The following ZDHHC13 variants were observed in gnomAD, a reference collection of about 807,000 sequenced individuals.
ZDHHC13 encodes zDHHC palmitoyltransferase 13.
In ZDHHC13, 85 loss-of-function variants were observed where a neutral mutation model predicts 86.0. That is an observed-to-expected ratio of 0.99 (90% CI 0.83 to 1.18). The LOEUF (loss-of-function observed/expected upper bound fraction) is 1.18, where lower values mean the gene tolerates loss of function less well. Among genes scored for constraint, ZDHHC13 ranks in the 50% most tolerant of loss-of-function variants. The pLI, the probability that ZDHHC13 is intolerant of heterozygous loss-of-function variation, is 0.00. For synonymous variants in ZDHHC13, 263 were observed against 246.4 expected, an observed-to-expected ratio of 1.07 and a Z score of -0.63; for missense variants, 711 against 730.2, an observed-to-expected ratio of 0.97 and a Z score of 0.30.
intron 4 of ZDHHC13, 107 bp downstream of exon 4, chr11:19,147,780 C>CCCT (rs1849507003): frequency 2.7e-6 from 2 of 753,880 alleles, no homozygotes; most frequent in South Asian, 3.1e-5. Context: ...CTTCCCCCCC[C>CCCT]CCCTTTATTT....
chr11:19,172,736 G>T lies in ZDHHC13; in HGVS notation c.1646G>T (p.Gly549Val). Residue 549 changes from glycine to valine, a missense_variant, in exon 16 of 17, where the codon GGC (glycine) becomes GTC (valine). By Grantham distance (109) the Gly-to-Val change is moderately radical. Transcript: ENST00000446113. ...CTTCTTTTTCAGATTGCCTTTCTGG[G>T]CCTGACCTCCCATGAGAGAATCAGC... is the stretch of plus-strand genomic sequence containing the variant. Reference protein sequence around the residue: ...LNQLFQIAFLGLTSHERISLQ... With the variant: ...LNQLFQIAFLVLTSHERISLQ... 1 of 1,599,884 alleles carries T rather than the reference G, an allele frequency of 6.3e-7. No homozygotes were observed. The highest frequency in any genetic ancestry group is 8.5e-7 in the Non-Finnish European group (1 of 1,173,264).
chr11:19,121,010 T>A (rs1436587996), intron 1 of ZDHHC13, among the ~76,000 whole-genome samples: 2 of 152,202 alleles, frequency 1.3e-5, no homozygotes, highest in African/African-American at 2.4e-5. Flanking sequence ...AAAAGTTAGT[T>A]TACATGTGCA....
intron 1 of ZDHHC13, among the ~76,000 whole-genome samples, chr11:19,119,132 G>C (rs1286283784): frequency 6.6e-6 from 1 of 151,578 alleles, no homozygotes; most frequent in Non-Finnish European, 1.5e-5. Context: ...TCTTTTTTCA[G>C]ACAGAGTCTT....
intron 5 of ZDHHC13, 136 bp downstream of exon 5, chr11:19,149,467 GT>G: frequency 1.1e-6 from 1 of 941,654 alleles, no homozygotes; most frequent in Non-Finnish European, 1.5e-6. Context: ...GCCTCAGTAC[GT>G]TTAGCCATTG....
intron 1 of ZDHHC13, among the ~76,000 whole-genome samples, chr11:19,137,358 A>G (rs1227133607): frequency 6.6e-6 from 1 of 152,184 alleles, no homozygotes; most frequent in Non-Finnish European, 1.5e-5. Context: ...ATTCAACAAG[A>G]AGAGCTAACT....
intron 1 of ZDHHC13, among the ~76,000 whole-genome samples, chr11:19,126,502 ATTTTTTTTTTTT>A (rs754405966): frequency 3.2e-5 from 3 of 95,150 alleles, no homozygotes; most frequent in Non-Finnish European, 5.9e-5. Context: ...ACCCTGGCTA[ATTTTTTTTTTTT>A]TTTTTTTTTT....
intron 1 of ZDHHC13, among the ~76,000 whole-genome samples, chr11:19,133,930 T>TAC (rs2133378384): frequency 1.1e-5 from 1 of 95,142 alleles, no homozygotes; most frequent in East Asian, 2.8e-4. Flanking sequence ...CATATATATA[T>TAC]ATATATATAT....
chr11:19,159,790 C>T (rs1280839513), intron 10 of ZDHHC13, among the ~76,000 whole-genome samples: 1 of 151,942 alleles, frequency 6.6e-6, no homozygotes, highest in Non-Finnish European at 1.5e-5. Context: ...CAAGTCCTGT[C>T]ACCTAGAAAT....
At chr11:19,155,110 T>C (rs115100147) in intron 8 of ZDHHC13, among the ~76,000 whole-genome samples, 179 of 152,304 alleles carry the variant, frequency 1.2e-3, no homozygotes, top group African/African-American at 4.1e-3. Context: ...TTGGAGCTCT[T>C]ATAGTTCCCT....
At chr11:19,163,710 A>G (rs1000540321) in intron 11 of ZDHHC13, among the ~76,000 whole-genome samples, 6 of 152,070 alleles carry the variant, frequency 3.9e-5, no homozygotes, top group African/African-American at 1.4e-4. Flanking sequence ...CATTTTCATA[A>G]TGGTCATTTA....
chr11:19,172,743 C>G lies in ZDHHC13; in HGVS notation c.1653C>G (p.Thr551=). ...TTCAGATTGCCTTTCTGGGCCTGAC[C>G]TCCCATGAGAGAATCAGCCTGCAGA... The part of the protein sequence containing the change: ...QLFQIAFLGL[T]SHERISLQKQ... Residue 551 remains threonine (T), a synonymous_variant, in exon 16 of 17, where the codon ACC becomes ACG. Coordinates refer to ENST00000446113, the MANE Select transcript of ZDHHC13 (RefSeq NM_019028.3). 1 of 1,603,012 alleles carries G rather than the reference C, an allele frequency of 6.2e-7. No homozygotes were observed. The highest frequency in any genetic ancestry group is 8.5e-7 in the Non-Finnish European group (1 of 1,174,780).
At chr11:19,166,108 A>C (rs1850057945) in intron 13 of ZDHHC13, among the ~76,000 whole-genome samples, 194 bp from the exon 14 acceptor site, 1 of 152,232 alleles carries the variant, frequency 6.6e-6, no homozygotes, top group Admixed American at 6.5e-5. Flanking sequence ...ATATTAGTTC[A>C]GTTAACATGG....
chr11:19,148,115 GA>G (rs1849517853), intron 4 of ZDHHC13, among the ~76,000 whole-genome samples: 1 of 152,076 alleles, frequency 6.6e-6, no homozygotes, highest in African/African-American at 2.4e-5. Context: ...GGATTAACAA[GA>G]AATTTTGAGT....
intron 10 of ZDHHC13, among the ~76,000 whole-genome samples, chr11:19,159,249 T>C (rs1849843218): frequency 6.6e-6 from 1 of 152,180 alleles, no homozygotes; most frequent in South Asian, 2.1e-4. Flanking sequence ...AGTAAGTATC[T>C]AGTATTTATT....
At chr11:19,122,049 C>T (rs760573623) in intron 1 of ZDHHC13, among the ~76,000 whole-genome samples, 3 of 152,140 alleles carry the variant, frequency 2.0e-5, no homozygotes, top group Non-Finnish European at 4.4e-5. Context: ...TGTGTCCTTG[C>T]CCTCCTTTTC....
At chr11:19,151,814 A>G (rs1849615151) in intron 6 of ZDHHC13, among the ~76,000 whole-genome samples, 1 of 152,110 alleles carries the variant, frequency 6.6e-6, no homozygotes, top group Non-Finnish European at 1.5e-5. Context: ...AATTGAATAA[A>G]TAGCATAGCA....
At chr11:19,124,431 T>G (rs938135021) in intron 1 of ZDHHC13, among the ~76,000 whole-genome samples, 1 of 152,114 alleles carries the variant, frequency 6.6e-6, no homozygotes, top group Admixed American at 6.6e-5. Context: ...GAGTCCGGAT[T>G]GTTAACCCTG....
At chr11:19,173,001 C>T (rs759359964) in intron 16 of ZDHHC13, among the ~76,000 whole-genome samples, 181 bp downstream of exon 16, 5 of 152,144 alleles carry the variant, frequency 3.3e-5, no homozygotes, top group Non-Finnish European at 4.4e-5. Flanking sequence ...GTGAGCCCCA[C>T]GGTGGTAAGA....
At chr11:19,128,874 C>T (rs748455104) in intron 1 of ZDHHC13, among the ~76,000 whole-genome samples, 13 of 152,160 alleles carry the variant, frequency 8.5e-5, no homozygotes, top group Non-Finnish European at 1.2e-4. Flanking sequence ...TTTCGATCAA[C>T]GCCAGACCAC....
Sources: gnomAD v4.1 joint callset for allele counts (sites outside exome capture counted in the v4.1 genomes callset) on GRCh38, gnomAD v4.1.1 for gene constraint, MANE v1.5 for transcripts, NCBI Gene and HGNC (gene_info 2026-07-23, HGNC 2026-07-21) for gene names.